The following CACNA1E variants were observed in gnomAD, a reference collection of about 807,000 sequenced individuals.
The protein encoded by CACNA1E is voltage-dependent R-type calcium channel subunit alpha-1E.
In CACNA1E, 40 loss-of-function variants were observed where a neutral mutation model predicts 259.2. The observed-to-expected ratio is 0.15, with a 90% CI of 0.12 to 0.20. The LOEUF (loss-of-function observed/expected upper bound fraction) is 0.20. Ranked by LOEUF, CACNA1E falls within the 10% of genes least tolerant of loss-of-function variation. The pLI is 1.00. For synonymous variants in CACNA1E, 1,104 were observed against 1,138.5 expected (o/e 0.97, Z 0.61); for missense variants, 1,874 against 3,040.1 (o/e 0.62, Z 9.02).
chr1:181,401,985 G>T (rs897238587), intron 1 of CACNA1E, among the ~76,000 whole-genome samples: 1 of 152,188 alleles, frequency 6.6e-6, no homozygotes, highest in Non-Finnish European at 1.5e-5. Flanking sequence ...GGTCTGAGAA[G>T]AAGTAGAAGA....
chr1:181,450,718 C>G (rs1204569104), intron 2 of CACNA1E, among the ~76,000 whole-genome samples: 3 of 152,126 alleles, frequency 2.0e-5, no homozygotes, highest in Non-Finnish European at 4.4e-5. Context: ...AAATGCAGAG[C>G]TACTGAACAA....
intron 6 of CACNA1E, among the ~76,000 whole-genome samples, chr1:181,604,773 C>A (rs955457661): frequency 6.6e-6 from 1 of 151,976 alleles, no homozygotes; most frequent in African/African-American, 2.4e-5. Flanking sequence ...GGAGCGGGGG[C>A]CTCTCAGAGC....
intron 7 of CACNA1E, among the ~76,000 whole-genome samples, chr1:181,684,032 G>C (rs1650262043): frequency 6.6e-6 from 1 of 152,198 alleles, no homozygotes; most frequent in Non-Finnish European, 1.5e-5. Flanking sequence ...TGGTAGTTCT[G>C]TTTTAAATTC....
upstream of CACNA1E, among the ~76,000 whole-genome samples, chr1:181,481,375 CACAT>C (rs1051219805): frequency 2.6e-5 from 4 of 151,782 alleles, no homozygotes; most frequent in African/African-American, 7.3e-5. Flanking sequence ...CACACACTCT[CACAT>C]ACATTCTCAC....
chr1:181,583,927 A>G (rs1001662560), intron 6 of CACNA1E, among the ~76,000 whole-genome samples: 2 of 151,998 alleles, frequency 1.3e-5, no homozygotes, highest in Non-Finnish European at 2.9e-5. Flanking sequence ...TTCTTTACTT[A>G]TTTCTCGTAA....
upstream of CACNA1E, among the ~76,000 whole-genome samples, chr1:181,482,361 G>C (rs569504977): frequency 6.6e-6 from 1 of 152,252 alleles, no homozygotes; most frequent in Non-Finnish European, 1.5e-5. Context: ...TGCGCCCCAC[G>C]CCAGGCCCTC....
At chr1:181,318,945 G>A (rs998862687) in intron 1 of CACNA1E, among the ~76,000 whole-genome samples, 1 of 152,188 alleles carries the variant, frequency 6.6e-6, no homozygotes, top group African/African-American at 2.4e-5. Flanking sequence ...CCCAGGGATG[G>A]AACATCCAGT....
In CACNA1E at chr1:181,371,390, C is replaced by T. The variant is rs150974485; in HGVS notation, c.-14-41743C>T. ...AATCCTCCCACCTCAGCCTATGGAA[C>T]AGCTGGGACTACAGGCATGTGCCAC... On this transcript the variant is annotated intron_variant, in intron 1 of 11. Transcript: ENST00000524607. 5.1e-3 allele frequency among the ~76,000 whole-genome samples: 779 copies of T among 152,262 alleles called. 6 individuals carry two copies. Among genetic ancestry groups the T allele is most frequent in the African/African-American group, 0.018 (744 of 41,544 alleles).
chr1:181,790,629 T>C (rs1051827567), intron 44 of CACNA1E, 73 bp downstream of exon 44: 3 of 966,326 alleles, frequency 3.1e-6, no homozygotes, highest in Non-Finnish European at 5.0e-6. Flanking sequence ...TTTTATTACA[T>C]AGTCATGGTC....
rs1251133850 is a variant in CACNA1E, at chr1:181,755,284, A to C, written c.3876A>C (p.Ile1292=). Residue 1292 remains isoleucine, a synonymous_variant, in exon 28 of 48, where the codon ATA becomes ATC. Coordinates refer to ENST00000367573, the MANE Select transcript of CACNA1E (RefSeq NM_001205293.3). ...VVTSLKNVFN[I]LIVYKLFMFI... ...CCTCCTTGAAGAATGTCTTCAACAT[A>C]CTCATTGTGTACAAGCTCTTCATGT... The C allele has an allele frequency of 8.1e-6, 13 of 1,613,246 alleles. No individual in the cohort carries two copies. The highest frequency in any genetic ancestry group is 1.1e-5 in the Non-Finnish European group (13 of 1,179,434).
chr1:181,480,892 A>G (rs2332356), upstream of CACNA1E, among the ~76,000 whole-genome samples: 1,315 of 152,348 alleles, frequency 8.6e-3, 19 homozygotes, highest in African/African-American at 0.03. Context: ...GGCACCTGGA[A>G]GGGACTCAAA....
chr1:181,648,136 C>T (rs1264827111), intron 6 of CACNA1E, among the ~76,000 whole-genome samples: 1 of 152,206 alleles, frequency 6.6e-6, no homozygotes, highest in Non-Finnish European at 1.5e-5. Context: ...GAAATCTCCA[C>T]AGATTGAGAG....
chr1:181,423,662 A>ATT (rs11302089), intron 2 of CACNA1E, among the ~76,000 whole-genome samples: 3 of 130,994 alleles, frequency 2.3e-5, no homozygotes, highest in Non-Finnish European at 3.2e-5. Flanking sequence ...CATTGGGCCA[A>ATT]TTTTTTTTTT....
intron 44 of CACNA1E, among the ~76,000 whole-genome samples, chr1:181,791,458 G>A (rs1661304744): frequency 6.6e-6 from 1 of 152,176 alleles, no homozygotes; most frequent in African/African-American, 2.4e-5. Context: ...GGGTGACAGA[G>A]CAAGACTCCG....
chr1:181,405,297 C>T (rs1017628994), intron 1 of CACNA1E, among the ~76,000 whole-genome samples: 3 of 152,168 alleles, frequency 2.0e-5, no homozygotes, highest in Admixed American at 1.3e-4. Flanking sequence ...AGAAAAGAGG[C>T]TATTGGAGAA....
At chr1:181,520,772 GA>G (rs2102674252) in intron 3 of CACNA1E, among the ~76,000 whole-genome samples, 1 of 152,244 alleles carries the variant, frequency 6.6e-6, no homozygotes, top group East Asian at 1.9e-4. Context: ...AGTAAAAGTT[GA>G]AACAAAGGCC....
rs111734002 is a variant in CACNA1E, at chr1:181,720,874, G to A, written c.1956+19G>A. ...GTTCCAGGTATGAGGCCAGCTGACGGTTCACAAGTGCTGCATGGGGTCCCT... is the reference window on the plus strand; with the variant it reads ...GTTCCAGGTATGAGGCCAGCTGACGATTCACAAGTGCTGCATGGGGTCCCT... On this transcript the variant is annotated intron_variant, in intron 15 of 47. Coordinates refer to ENST00000367573, the MANE Select transcript of CACNA1E (RefSeq NM_001205293.3). 7.4e-4 allele frequency: 1,135 copies of A among 1,541,742 alleles called. 8 individuals carry two copies. In the African/African-American group the frequency reaches 0.014, roughly 19 times the overall value.
intron 2 of CACNA1E, among the ~76,000 whole-genome samples, chr1:181,428,293 G>C (rs1003991377): frequency 6.6e-6 from 1 of 151,636 alleles, no homozygotes; most frequent in Non-Finnish European, 1.5e-5. Context: ...GCAGGAAACA[G>C]AGAGATGGAG....
At chr1:181,617,714 T>A (rs1655349308) in intron 6 of CACNA1E, among the ~76,000 whole-genome samples, 1 of 152,168 alleles carries the variant, frequency 6.6e-6, no homozygotes, top group Non-Finnish European at 1.5e-5. Context: ...CAATGTTCTC[T>A]CACAGAAAGA....
Sources: gnomAD v4.1 joint callset for allele counts (sites outside exome capture counted in the v4.1 genomes callset) on GRCh38, gnomAD v4.1.1 for gene constraint, MANE v1.5 for transcripts, NCBI Gene and HGNC (gene_info 2026-07-23, HGNC 2026-07-21) for gene names.